ZSWIM6: variants seen among roughly 807,000 people sequenced by gnomAD.
The protein encoded by ZSWIM6 is zinc finger SWIM domain-containing protein 6.
Under a neutral mutation model 113.2 loss-of-function variants are expected in ZSWIM6, and 9 were observed. The ratio of observed to expected loss-of-function variants is 0.08; its 90% CI spans 0.05 to 0.14. ZSWIM6 has a LOEUF of 0.14. ZSWIM6 is among the 10% of genes least tolerant of loss of function. The pLI is 1.00. For synonymous variants in ZSWIM6, 611 were observed against 606.5 expected, an observed-to-expected ratio of 1.01 and a Z score of -0.11; for missense variants, 1,162 against 1,552.2, an observed-to-expected ratio of 0.75 and a Z score of 4.22.
chr5:61,335,061 A>G (rs965394555), intron 1 of ZSWIM6, among the ~76,000 whole-genome samples: 1 of 152,258 alleles, frequency 6.6e-6, no homozygotes, highest in Non-Finnish European at 1.5e-5. Context: ...AATCTTCTCT[A>G]GGAGACAGAC....
chr5:61,405,457 G>A (rs1055117541), intron 1 of ZSWIM6, among the ~76,000 whole-genome samples: 4 of 152,058 alleles, frequency 2.6e-5, no homozygotes, highest in African/African-American at 4.8e-5. Context: ...CACCATCATC[G>A]TCATGGAGAG....
At chr5:61,341,462 T>TA (rs1744542997) in intron 1 of ZSWIM6, among the ~76,000 whole-genome samples, 1 of 152,234 alleles carries the variant, frequency 6.6e-6, no homozygotes, top group Non-Finnish European at 1.5e-5. Flanking sequence ...TGACCAGAAA[T>TA]ATGCCATAGG....
intron 1 of ZSWIM6, among the ~76,000 whole-genome samples, chr5:61,371,258 A>G (rs1207855685): frequency 6.6e-6 from 1 of 152,120 alleles, no homozygotes; most frequent in Non-Finnish European, 1.5e-5. Context: ...ATTTTGTTTT[A>G]TATTTCAAAC....
intron 9 of ZSWIM6, 149 bp downstream of exon 9, chr5:61,531,874 T>TA: frequency 1.1e-6 from 1 of 869,644 alleles, no homozygotes; most frequent in Non-Finnish European, 1.7e-6. Flanking sequence ...GTTCGCTGTC[T>TA]AAAAAATAGT....
At chr5:61,456,476 C>T (rs963233862) in intron 1 of ZSWIM6, among the ~76,000 whole-genome samples, 1 of 152,094 alleles carries the variant, frequency 6.6e-6, no homozygotes, top group African/African-American at 2.4e-5. Flanking sequence ...AAAACAAAAA[C>T]CTTATTCTTA....
At chr5:61,460,682 C>T (rs1747304610) in intron 1 of ZSWIM6, among the ~76,000 whole-genome samples, 1 of 152,050 alleles carries the variant, frequency 6.6e-6, no homozygotes, top group Non-Finnish European at 1.5e-5. Context: ...TCATGGATGC[C>T]TCCCGGGAGA....
At chr5:61,419,818 A>C (rs1746321820) in intron 1 of ZSWIM6, among the ~76,000 whole-genome samples, 1 of 152,198 alleles carries the variant, frequency 6.6e-6, no homozygotes. Flanking sequence ...TATGAATTAC[A>C]GAACAGGATA....
intron 1 of ZSWIM6, among the ~76,000 whole-genome samples, chr5:61,463,507 T>G (rs78500884): frequency 0.063 from 9,566 of 152,220 alleles, 998 homozygotes; most frequent in African/African-American, 0.21. Flanking sequence ...CCTGGACATA[T>G]GGGGTCCAGC....
chr5:61,360,911 G>A (rs559592883), intron 1 of ZSWIM6, among the ~76,000 whole-genome samples: 3 of 152,124 alleles, frequency 2.0e-5, no homozygotes, highest in South Asian at 2.1e-4. Context: ...CTTTCTCTAC[G>A]CATTCCTTAG....
chr5:61,406,057 G>A (rs189220278), intron 1 of ZSWIM6, among the ~76,000 whole-genome samples: 42 of 152,268 alleles, frequency 2.8e-4, no homozygotes, highest in African/African-American at 9.9e-4. Context: ...GCATCTCAGG[G>A]TTGGAGGCTT....
At chr5:61,393,669 C>T (rs923679484) in intron 1 of ZSWIM6, among the ~76,000 whole-genome samples, 3 of 149,414 alleles carry the variant, frequency 2.0e-5, no homozygotes, top group Non-Finnish European at 4.4e-5. Context: ...ACTCGGGGGG[C>T]GGAGGTTGCA....
intron 1 of ZSWIM6, among the ~76,000 whole-genome samples, chr5:61,468,585 T>A (rs548289124): frequency 6.6e-6 from 1 of 152,328 alleles, no homozygotes; most frequent in African/African-American, 2.4e-5. Flanking sequence ...CAGCTGGTCA[T>A]CATAGTTTGT....
At chr5:61,482,405 C>T (rs1299579158) in intron 2 of ZSWIM6, among the ~76,000 whole-genome samples, 5 of 152,008 alleles carry the variant, frequency 3.3e-5, no homozygotes, top group African/African-American at 1.2e-4. Context: ...ATGTAGATGA[C>T]GGGTTGATGG....
At chr5:61,516,639 A>G (rs1748952146) in intron 4 of ZSWIM6, among the ~76,000 whole-genome samples, 1 of 151,014 alleles carries the variant, frequency 6.6e-6, no homozygotes, top group African/African-American at 2.4e-5. Context: ...ATGTGCATTT[A>G]AAACTCCACA....
intron 1 of ZSWIM6, among the ~76,000 whole-genome samples, chr5:61,415,044 C>T (rs1253994582): frequency 1.3e-5 from 2 of 152,190 alleles, no homozygotes; most frequent in African/African-American, 4.8e-5. Flanking sequence ...CGAGGATACA[C>T]AGCCAGCAAA....
At chr5:61,500,221 G>T (rs1415085899) in intron 4 of ZSWIM6, among the ~76,000 whole-genome samples, 1 of 151,680 alleles carries the variant, frequency 6.6e-6, no homozygotes, top group African/African-American at 2.4e-5. Context: ...CTGCCTCCCA[G>T]GTTCCAGTAA....
intron 1 of ZSWIM6, among the ~76,000 whole-genome samples, chr5:61,419,638 A>G (rs1297481858): frequency 6.6e-6 from 1 of 152,210 alleles, no homozygotes; most frequent in Non-Finnish European, 1.5e-5. Flanking sequence ...AATATATTGA[A>G]CAGCTCAGGT....
intron 1 of ZSWIM6, among the ~76,000 whole-genome samples, chr5:61,431,766 C>CA (rs1234357945): frequency 8.6e-5 from 13 of 151,878 alleles, no homozygotes; most frequent in Admixed American, 3.3e-4. Context: ...AACAAAAAAA[C>CA]AAAAAAAACT....
intron 2 of ZSWIM6, among the ~76,000 whole-genome samples, chr5:61,477,254 T>G (rs1747731128): frequency 6.6e-6 from 1 of 152,164 alleles, no homozygotes; most frequent in Non-Finnish European, 1.5e-5. Context: ...GAAAGGATCA[T>G]TTCAGTGGCC....
Sources: allele counts gnomAD v4.1 joint callset (sites outside exome capture counted in the v4.1 genomes callset), GRCh38; gene constraint gnomAD v4.1.1; transcripts MANE v1.5; gene names NCBI Gene and HGNC (gene_info 2026-07-23, HGNC 2026-07-21).